ARID4B: variants seen among roughly 807,000 people sequenced by gnomAD.
ARID4B encodes AT-rich interactive domain-containing protein 4B.
In ARID4B, 26 loss-of-function variants were observed where a neutral mutation model predicts 147.5. The ratio of observed to expected loss-of-function variants is 0.18; its 90% CI spans 0.13 to 0.24. The LOEUF (loss-of-function observed/expected upper bound fraction) is 0.24, where lower values mean the gene tolerates loss of function less well. Ranked by LOEUF, ARID4B falls within the 10% of genes least tolerant of loss-of-function variation. ARID4B has a pLI of 1.00. For missense variants in ARID4B, 1,179 were observed against 1,511.5 expected, an observed-to-expected ratio of 0.78 and a Z score of 3.65; for synonymous variants, 512 against 507.9, an observed-to-expected ratio of 1.01 and a Z score of -0.11.
At chr1:235,314,034 T>C (rs1000412063) in intron 2 of ARID4B, among the ~76,000 whole-genome samples, 1 of 152,210 alleles carries the variant, frequency 6.6e-6, no homozygotes, top group African/African-American at 2.4e-5. Flanking sequence ...CTACAATGTA[T>C]TGAGAACTTA....
At chr1:235,214,454 ATGTT>A (rs2103009507) in intron 16 of ARID4B, among the ~76,000 whole-genome samples, 1 of 152,226 alleles carries the variant, frequency 6.6e-6, no homozygotes, top group South Asian at 2.1e-4. Flanking sequence ...CAGCCTCAAG[ATGTT>A]TGTTTCATTT....
intron 12 of ARID4B, among the ~76,000 whole-genome samples, chr1:235,224,483 A>G (rs995352423): frequency 6.6e-6 from 1 of 152,198 alleles, no homozygotes; most frequent in Non-Finnish European, 1.5e-5. Context: ...AAGTGCATTT[A>G]TGTGTCCATA....
chr1:235,285,156 A>C (rs1671894520), intron 2 of ARID4B, among the ~76,000 whole-genome samples: 1 of 152,144 alleles, frequency 6.6e-6, no homozygotes, highest in Admixed American at 6.5e-5. Context: ...TCCTGGACTT[A>C]AGCCAACCCA....
chr1:235,282,321 T>C (rs756480099), intron 2 of ARID4B, among the ~76,000 whole-genome samples: 1 of 152,234 alleles, frequency 6.6e-6, no homozygotes, highest in African/African-American at 2.4e-5. Context: ...TCCTCAGCGC[T>C]GTCTCTAACT....
intron 3 of ARID4B, among the ~76,000 whole-genome samples, chr1:235,258,700 C>G (rs1670127716): frequency 6.6e-6 from 1 of 152,152 alleles, no homozygotes; most frequent in Non-Finnish European, 1.5e-5. Flanking sequence ...ACTCAAAAAC[C>G]AGCTATGAAA....
chr1:235,219,946 T>A lies in ARID4B; in HGVS notation c.1430A>T (p.Glu477Val), dbSNP rs779307716. 6.5e-7 allele frequency: 1 copy of A among 1,548,008 alleles called. No homozygotes were observed. Reference protein sequence around the residue: ...PSLGSKKNLLESIPTHSDQEK... With the variant: ...PSLGSKKNLLVSIPTHSDQEK... ...CTGATCAGAATGTGTAGGTATAGAT[T>A]CTAATAAATTCTTTTTACTTCCCTA... The change falls in exon 16 of 24, where the codon GAA becomes GTA. Residue 477 changes from glutamate (E) to valine (V), a missense_variant. Transcript: ENST00000264183.
At chr1:235,269,716 A>G (rs997252822) in intron 2 of ARID4B, among the ~76,000 whole-genome samples, 3 of 152,188 alleles carry the variant, frequency 2.0e-5, no homozygotes, top group African/African-American at 7.2e-5. Context: ...ACACACAGAG[A>G]AAAAGATAAA....
intron 2 of ARID4B, among the ~76,000 whole-genome samples, chr1:235,286,589 G>A (rs1671990136): frequency 6.6e-6 from 1 of 152,176 alleles, no homozygotes; most frequent in South Asian, 2.1e-4. Context: ...AATTCTGATG[G>A]GTTGAAATGA....
At chr1:235,212,324 G>C (rs1666768696) in intron 17 of ARID4B, among the ~76,000 whole-genome samples, 1 of 152,172 alleles carries the variant, frequency 6.6e-6, no homozygotes, top group Non-Finnish European at 1.5e-5. Context: ...GTGTGTTAAA[G>C]TGGTATCTGG....
intron 9 of ARID4B, among the ~76,000 whole-genome samples, chr1:235,232,799 C>T (rs998470087): frequency 6.6e-6 from 1 of 152,008 alleles, no homozygotes; most frequent in Non-Finnish European, 1.5e-5. Flanking sequence ...CTCTGATTAT[C>T]CCAATTTTGT....
intron 2 of ARID4B, among the ~76,000 whole-genome samples, chr1:235,310,529 A>G (rs954358643): frequency 3.3e-5 from 5 of 152,236 alleles, no homozygotes; most frequent in African/African-American, 1.2e-4. Context: ...GTTATTAGAT[A>G]TAACTAATGA....
chr1:235,293,424 C>T (rs1430442203), intron 2 of ARID4B, among the ~76,000 whole-genome samples: 2 of 152,128 alleles, frequency 1.3e-5, no homozygotes, highest in Admixed American at 1.3e-4. Flanking sequence ...AGCTAGAGAC[C>T]ATCACTATTA....
intron 2 of ARID4B, among the ~76,000 whole-genome samples, chr1:235,263,823 T>TAA (rs539952097): frequency 2.8e-5 from 4 of 143,546 alleles, no homozygotes; most frequent in African/African-American, 7.6e-5. Context: ...CCGTCTCTAC[T>TAA]AAAAAAAAAA....
chr1:235,275,610 T>C (rs1366343103), intron 2 of ARID4B, among the ~76,000 whole-genome samples: 6 of 152,170 alleles, frequency 3.9e-5, no homozygotes, highest in African/African-American at 1.4e-4. Context: ...TAATAGATTC[T>C]CTTTTCTGCT....
intron 16 of ARID4B, among the ~76,000 whole-genome samples, chr1:235,216,689 T>C (rs1163699742): frequency 6.6e-6 from 1 of 152,024 alleles, no homozygotes; most frequent in Non-Finnish European, 1.5e-5. Flanking sequence ...ATTTCTATTA[T>C]AAAAAAGTAA....
chr1:235,292,678 A>C (rs552617948), intron 2 of ARID4B, among the ~76,000 whole-genome samples: 26 of 152,286 alleles, frequency 1.7e-4, no homozygotes, highest in Admixed American at 9.2e-4. Flanking sequence ...ACCCCTAAAA[A>C]ATCTTTTTTT....
At chr1:235,277,662 T>C (rs966792758) in intron 2 of ARID4B, among the ~76,000 whole-genome samples, 1 of 150,260 alleles carries the variant, frequency 6.7e-6, no homozygotes, top group Non-Finnish European at 1.5e-5. Flanking sequence ...TTGTTTTACA[T>C]TTTTCTCCTG....
At chr1:235,272,940 A>C (rs1671087613) in intron 2 of ARID4B, among the ~76,000 whole-genome samples, 1 of 152,246 alleles carries the variant, frequency 6.6e-6, no homozygotes. Context: ...GCTTATGAGT[A>C]CAGGACTACA....
intron 17 of ARID4B, among the ~76,000 whole-genome samples, chr1:235,208,915 C>A (rs1283134980): frequency 6.6e-6 from 1 of 152,098 alleles, no homozygotes; most frequent in African/African-American, 2.4e-5. Context: ...TCCAAACATG[C>A]CTAGTGCTTG....
Sources: gnomAD v4.1 joint callset for allele counts (sites outside exome capture counted in the v4.1 genomes callset) on GRCh38, gnomAD v4.1.1 for gene constraint, MANE v1.5 for transcripts, NCBI Gene and HGNC (gene_info 2026-07-23, HGNC 2026-07-21) for gene names.